The following RGS6 variants were observed in gnomAD, a reference collection of about 807,000 sequenced individuals.
The protein encoded by RGS6 is regulator of G-protein signaling 6.
RGS6 carries 30 observed loss-of-function variants against 78.5 expected under a neutral mutation model. That is an observed-to-expected ratio of 0.38 (90% CI 0.29 to 0.52). The LOEUF (loss-of-function observed/expected upper bound fraction) is 0.52, where lower values mean the gene tolerates loss of function less well. RGS6 is among the 20% of genes least tolerant of loss of function. The probability of loss-of-function intolerance (pLI) is 0.85; values close to 1 mark genes in which losing one functional copy is unlikely to be tolerated. For synonymous variants in RGS6, 206 were observed against 206.0 expected (o/e 1.00, Z 0.00); for missense variants, 495 against 609.7 (o/e 0.81, Z 1.98).
intron 2 of RGS6, among the ~76,000 whole-genome samples, chr14:72,163,113 G>A (rs1276232538): frequency 6.6e-6 from 1 of 152,144 alleles, no homozygotes; most frequent in African/African-American, 2.4e-5. Context: ...CTGCTCAGGT[G>A]ATGGATGCAC....
At chr14:72,238,655 G>A (rs35413081) in intron 2 of RGS6, among the ~76,000 whole-genome samples, 8,699 of 152,194 alleles carry the variant, frequency 0.057, 361 homozygotes, top group East Asian at 0.27. Flanking sequence ...GGCCTGTAGA[G>A]GGAGTTATTG....
At chr14:72,076,949 A>ATT (rs993938031) in intron 2 of RGS6, among the ~76,000 whole-genome samples, 23 of 136,560 alleles carry the variant, frequency 1.7e-4, no homozygotes, top group Non-Finnish European at 3.2e-4. Context: ...ATACAGCCAA[A>ATT]TTTTATATAT....
At chr14:72,403,427 A>G (rs2153012346) in intron 3 of RGS6, among the ~76,000 whole-genome samples, 1 of 152,326 alleles carries the variant, frequency 6.6e-6, no homozygotes. Context: ...AGAGAGTACA[A>G]TTGTAGTTAT....
intron 13 of RGS6, among the ~76,000 whole-genome samples, chr14:72,506,485 T>A (rs553016429): frequency 6.6e-6 from 1 of 152,350 alleles, no homozygotes; most frequent in South Asian, 2.1e-4. Context: ...GGTAACAACA[T>A]GTTCAAGTCT....
At chr14:72,192,859 G>T (rs1422087932) in intron 2 of RGS6, among the ~76,000 whole-genome samples, 2 of 152,090 alleles carry the variant, frequency 1.3e-5, no homozygotes, top group African/African-American at 4.8e-5. Context: ...TGGAGGCATT[G>T]TCTCCTCATA....
the RGS6 span, among the ~76,000 whole-genome samples, chr14:72,577,177 T>C: frequency 6.6e-6 from 1 of 152,236 alleles, no homozygotes; most frequent in African/African-American, 2.4e-5. Flanking sequence ...TTATAATCAG[T>C]AACTCCTGAG....
intron 3 of RGS6, among the ~76,000 whole-genome samples, chr14:72,369,730 T>C (rs2083095142): frequency 6.6e-6 from 1 of 152,230 alleles, no homozygotes; most frequent in Non-Finnish European, 1.5e-5. Flanking sequence ...AATTGCTTAA[T>C]AAAGTTATAA....
At chr14:72,344,507 G>T (rs977488123) in intron 2 of RGS6, among the ~76,000 whole-genome samples, 3 of 152,140 alleles carry the variant, frequency 2.0e-5, no homozygotes, top group African/African-American at 7.2e-5. Context: ...ACTGTAAATT[G>T]CAGACATCAC....
the RGS6 span, among the ~76,000 whole-genome samples, chr14:71,917,644 T>G: frequency 6.6e-6 from 1 of 152,070 alleles, no homozygotes; most frequent in Non-Finnish European, 1.5e-5. Flanking sequence ...GCTTTTTAGC[T>G]GAAAAAAACA....
At chr14:72,150,853 G>A (rs970648633) in intron 2 of RGS6, among the ~76,000 whole-genome samples, 3 of 152,152 alleles carry the variant, frequency 2.0e-5, no homozygotes, top group African/African-American at 7.2e-5. Context: ...GATTTGGGTA[G>A]GGACGCAAAT....
At chr14:72,185,860 G>C (rs2097236428) in intron 2 of RGS6, among the ~76,000 whole-genome samples, 2 of 152,212 alleles carry the variant, frequency 1.3e-5, no homozygotes, top group Admixed American at 1.3e-4. Flanking sequence ...TTGGAGGATT[G>C]CTTGAGCTTG....
intron 2 of RGS6, among the ~76,000 whole-genome samples, chr14:72,261,609 T>C (rs1378506397): frequency 2.0e-5 from 3 of 152,088 alleles, no homozygotes; most frequent in Non-Finnish European, 4.4e-5. Context: ...AAAAGATTCT[T>C]AAATCCCCAC....
chr14:72,306,125 A>G (rs746829399), intron 2 of RGS6, among the ~76,000 whole-genome samples: 1 of 152,200 alleles, frequency 6.6e-6, no homozygotes. Context: ...GCCTCTAAGA[A>G]TGACGCTAAA....
chr14:72,501,888 A>G (rs2096731941), intron 13 of RGS6, among the ~76,000 whole-genome samples: 1 of 152,248 alleles, frequency 6.6e-6, no homozygotes, highest in African/African-American at 2.4e-5. Flanking sequence ...GCTGAGAGGC[A>G]GAGATCATCC....
chr14:72,156,422 C>A (rs906882701), intron 2 of RGS6, among the ~76,000 whole-genome samples: 1 of 142,162 alleles, frequency 7.0e-6, no homozygotes, highest in East Asian at 2.1e-4. Context: ...CCACTGCACT[C>A]CAGCCTGGGT....
chr14:72,231,575 C>G (rs978939095), intron 2 of RGS6, among the ~76,000 whole-genome samples: 1 of 152,132 alleles, frequency 6.6e-6, no homozygotes, highest in African/African-American at 2.4e-5. Context: ...AACACTAGCC[C>G]CAGGTCCAGT....
chr14:72,396,547 G>A (rs191157707), intron 3 of RGS6, among the ~76,000 whole-genome samples: 6,554 of 151,452 alleles, frequency 0.043, 540 homozygotes, highest in East Asian at 0.42. Context: ...TCTTTAGTCT[G>A]ATTAGATCCC....
chr14:72,153,100 G>A (rs2096717828), intron 2 of RGS6, among the ~76,000 whole-genome samples: 1 of 152,072 alleles, frequency 6.6e-6, no homozygotes, highest in African/African-American at 2.4e-5. Flanking sequence ...ATATTTGGCT[G>A]TCTCATTATG....
At chr14:72,450,924 C>T (rs1443667173) in intron 3 of RGS6, among the ~76,000 whole-genome samples, 3 of 152,216 alleles carry the variant, frequency 2.0e-5, no homozygotes, top group Non-Finnish European at 4.4e-5. Context: ...GATATTATGA[C>T]AGATTTCCCT....
Sources: allele counts gnomAD v4.1 joint callset (sites outside exome capture counted in the v4.1 genomes callset), GRCh38; gene constraint gnomAD v4.1.1; transcripts MANE v1.5; gene names NCBI Gene and HGNC (gene_info 2026-07-23, HGNC 2026-07-21).